DNMT3B: variants seen among roughly 807,000 people sequenced by gnomAD.
DNMT3B encodes DNA (cytosine-5)-methyltransferase 3B.
DNMT3B carries 37 observed loss-of-function variants against 120.2 expected under a neutral mutation model. That is an observed-to-expected ratio of 0.31 (90% CI 0.24 to 0.40). DNMT3B has a LOEUF of 0.40. Ranked by LOEUF, DNMT3B falls within the 10% of genes least tolerant of loss-of-function variation. The pLI, the probability that DNMT3B is intolerant of heterozygous loss-of-function variation, is 1.00. For synonymous variants in DNMT3B, 412 were observed against 442.8 expected, an observed-to-expected ratio of 0.93 and a Z score of 0.87; for missense variants, 878 against 1,137.3, an observed-to-expected ratio of 0.77 and a Z score of 3.28.
chr20:32,796,657 T>C, intron 12 of DNMT3B, 133 bp from the exon 13 acceptor site: 1 of 906,076 alleles, frequency 1.1e-6, no homozygotes, highest in East Asian at 2.5e-5. Context: ...CTGTGAGGCA[T>C]GGCCTGAGGT....
In DNMT3B at chr20:32,790,450, G is replaced by GT. The variant is rs749602306; in HGVS notation, c.814-1150dup. On this transcript the variant is annotated intron_variant, in intron 7 of 22. Transcript: ENST00000328111. ...TGGGACCTGGGTCTGGCCTGGGCAA[G>GT]TGCCTGCTCAGCATGTGTACGCTGT... 9.9e-4 allele frequency among the ~76,000 whole-genome samples: 151 copies of GT among 152,300 alleles called. 1 individual carries two copies. Among genetic ancestry groups the GT allele is most frequent in the Middle Eastern group, 6.8e-3 (2 of 294 alleles).
At chr20:32,782,530 A>T (rs1418749706) in intron 3 of DNMT3B, among the ~76,000 whole-genome samples, 1 of 152,228 alleles carries the variant, frequency 6.6e-6, no homozygotes, top group Non-Finnish European at 1.5e-5. Flanking sequence ...CCTTCATAAA[A>T]GTGCAAAGGA....
chr20:32,787,986 G>A (rs1158941863), intron 6 of DNMT3B, among the ~76,000 whole-genome samples: 1 of 152,172 alleles, frequency 6.6e-6, no homozygotes, highest in East Asian at 1.9e-4. Context: ...GAGGAGCCAG[G>A]AAAAGGGATT....
At position 32,807,840 on chromosome 20, in the gene DNMT3B, C is replaced by T; in HGVS notation, c.2499C>T (p.Ser833=). ...CCCGCCAGAAGCTGCTGGGAAGGTC[C>T]TGGAGCGTGCCTGTCATCCGACACC... ...RGARQKLLGR[S]WSVPVIRHLF... is the part of the protein sequence containing the mutation. Residue 833 remains serine, a synonymous_variant, in exon 23 of 23, where the codon TCC becomes TCT. Coordinates refer to ENST00000328111, the MANE Select transcript of DNMT3B (RefSeq NM_006892.4). 2 of 1,614,246 alleles carry T rather than the reference C, an allele frequency of 1.2e-6. No individual in the cohort carries two copies. The highest frequency in any genetic ancestry group is 8.5e-7 in the Non-Finnish European group (1 of 1,180,050).
chr20:32,800,144 C>T lies in DNMT3B; in HGVS notation c.1760-9C>T, dbSNP rs886056615. ...CATTTATGCTTCTGTGTCTCTCTGG[C>T]CCCCACAGGCTACCTAGTCCTCAAA... On this transcript the variant is annotated splice_polypyrimidine_tract_variant and intron_variant, in intron 16 of 22. Transcript: ENST00000328111. 6.2e-7 allele frequency: 1 copy of T among 1,614,160 alleles called. No individual in the cohort carries two copies. Among genetic ancestry groups the T allele is most frequent in the Non-Finnish European group, 8.5e-7 (1 of 1,180,038 alleles).
chr20:32,795,321 C>T, intron 10 of DNMT3B, 88 bp from the exon 11 acceptor site: 1 of 1,601,350 alleles, frequency 6.2e-7, no homozygotes, highest in South Asian at 1.1e-5. Context: ...GCAGCTGGTA[C>T]CCAGGCATAG....
intron 3 of DNMT3B, among the ~76,000 whole-genome samples, chr20:32,781,960 T>C (rs1156235967): frequency 2.0e-5 from 3 of 152,362 alleles, no homozygotes; most frequent in South Asian, 2.1e-4. Flanking sequence ...GTGATGACGC[T>C]GGCAATTCAG....
intron 1 of DNMT3B, among the ~76,000 whole-genome samples, chr20:32,777,770 T>A (rs1249971103): frequency 6.6e-6 from 1 of 152,172 alleles, no homozygotes; most frequent in African/African-American, 2.4e-5. Context: ...CTTTGTCTCA[T>A]AGGAACTGGC....
intron 20 of DNMT3B, among the ~76,000 whole-genome samples, chr20:32,803,984 G>A (rs1472731573): frequency 1.3e-5 from 2 of 152,208 alleles, no homozygotes; most frequent in Non-Finnish European, 2.9e-5. Flanking sequence ...AAGAAGGAGA[G>A]ATGACTGATT....
Position 32,762,698 on chromosome 20 carries a change from A to C in DNMT3B, c.-8A>C, listed in dbSNP as rs993839654. 3 of 175,274 alleles carry C rather than the reference A, an allele frequency of 1.7e-5. No homozygotes were observed. Among genetic ancestry groups the C allele is most frequent in the African/African-American group, 2.4e-5 (1 of 41,466 alleles). 10.9% of individuals were successfully genotyped at this position (175,274 alleles called of 1,614,324 possible). A position where few individuals can be genotyped will look rare whatever the true frequency, so the allele number is the denominator to read the frequency against. On this transcript the variant is annotated splice_region_variant and 5_prime_UTR_variant, in exon 1 of 23. Transcript: ENST00000328111. ...GCCGCGCCCCAGCCAGCCCTGCGGC[A>C]GGTGAGCGCCCCGGGGCCCCGGGGA...
At chr20:32,762,962 G>A (rs181676392) in intron 1 of DNMT3B, among the ~76,000 whole-genome samples, 27 of 152,204 alleles carry the variant, frequency 1.8e-4, no homozygotes, top group Admixed American at 1.6e-3. Flanking sequence ...TAGAGGAAGG[G>A]ACGCGTCTGC....
chr20:32,790,579 C>T (rs1414472524), intron 7 of DNMT3B, among the ~76,000 whole-genome samples: 1 of 152,190 alleles, frequency 6.6e-6, no homozygotes, highest in African/African-American at 2.4e-5. Context: ...GGTCACACCC[C>T]CATATAGGAA....
At chr20:32,795,309 T>C (rs1192397542) in intron 10 of DNMT3B, 100 bp from the exon 11 acceptor site, 1 of 1,588,110 alleles carries the variant, frequency 6.3e-7, no homozygotes, top group African/African-American at 1.3e-5. Flanking sequence ...CATGCCCCAA[T>C]TGCAGCTGGT....
chr20:32,781,351 A>G lies in DNMT3B; in HGVS notation c.143-2A>G. The G allele has an allele frequency of 6.2e-7, 1 of 1,614,090 alleles. No homozygotes were observed. The highest frequency in any genetic ancestry group is 8.5e-7 in the Non-Finnish European group (1 of 1,180,016). ...ACAGACTCCTGGCTGTTTCCTCTAC[A>G]GGCCGAAGATCAAGCTCGCGACTCT... On this transcript the variant is annotated splice_acceptor_variant, in intron 2 of 22. Coordinates refer to ENST00000328111, the MANE Select transcript of DNMT3B (RefSeq NM_006892.4). LOFTEE classifies it high-confidence loss of function.
At chr20:32,792,481 CATA>C (rs1207220102) in intron 8 of DNMT3B, 142 bp from the exon 9 acceptor site, 2 of 1,390,262 alleles carry the variant, frequency 1.4e-6, no homozygotes, top group Non-Finnish European at 2.0e-6. Context: ...TCCTCTGTCA[CATA>C]CCACAGCCCA....
At chr20:32,778,942 AGATGGATGGATGGATGGATG>A (rs3080493) in intron 1 of DNMT3B, among the ~76,000 whole-genome samples, 3 of 150,534 alleles carry the variant, frequency 2.0e-5, no homozygotes, top group Non-Finnish European at 3.0e-5. Flanking sequence ...TCTCTAAGAT[AGATGGATGGATGGATGGATG>A]GATGGATGGA....
chr20:32,779,511 G>C (rs769709506), intron 1 of DNMT3B, among the ~76,000 whole-genome samples: 2 of 152,262 alleles, frequency 1.3e-5, no homozygotes, highest in African/African-American at 2.4e-5. Context: ...CAACCCATCC[G>C]TATGGCCCTG....
intron 17 of DNMT3B, among the ~76,000 whole-genome samples, 157 bp from the exon 18 acceptor site, chr20:32,800,678 C>T (rs1298457226): frequency 3.9e-5 from 6 of 152,128 alleles, no homozygotes; most frequent in Non-Finnish European, 7.3e-5. Flanking sequence ...AAGCTGGTCT[C>T]GAACTCCTGA....
chr20:32,808,412 C>T lies in DNMT3B; in HGVS notation c.*509C>T. ...CAGGACATTTTTAAGGGCCCAGGAT[C>T]GTTTTTTCCCAGGGCAAGCAGAAGA... On this transcript the variant is annotated 3_prime_UTR_variant, in exon 23 of 23. Transcript: ENST00000328111. The T allele has an allele frequency of 4.1e-6, 1 of 242,888 alleles. No individual in the cohort carries two copies. The highest frequency in any genetic ancestry group is 8.1e-6 in the Non-Finnish European group (1 of 123,858). The allele number at this position is 242,888 out of a possible 1,614,324, so 15.0% of individuals were successfully genotyped here.
Sources: gnomAD v4.1 joint callset for allele counts (sites outside exome capture counted in the v4.1 genomes callset) on GRCh38, gnomAD v4.1.1 for gene constraint, MANE v1.5 for transcripts, NCBI Gene and HGNC (gene_info 2026-07-23, HGNC 2026-07-21) for gene names.